The following KIZ variants were observed in gnomAD, a reference collection of about 807,000 sequenced individuals.
The protein encoded by KIZ is kizuna centrosomal protein.
Under a neutral mutation model 79.6 loss-of-function variants are expected in KIZ, and 68 were observed. The ratio of observed to expected loss-of-function variants is 0.85; its 90% CI spans 0.70 to 1.05. The LOEUF (loss-of-function observed/expected upper bound fraction) is 1.05. Among genes scored for constraint, KIZ ranks in the 50% least tolerant of loss-of-function variants. The probability of loss-of-function intolerance (pLI) is 0.00; values close to 1 mark genes in which losing one functional copy is unlikely to be tolerated. For missense variants in KIZ, 797 were observed against 800.4 expected (o/e 1.00, Z 0.05); for synonymous variants, 280 against 281.8 (o/e 0.99, Z 0.06).
chr20:21,244,274 A>G lies in KIZ; in HGVS notation c.1910A>G (p.Asn637Ser), dbSNP rs2037317544. Residue 637 changes from asparagine (N) to serine (S), a missense_variant, in exon 12 of 13, where the codon AAT becomes AGT. Transcript: ENST00000619189. ...RHENKKKPVI[N>S]LKSNALWDES... ...GAAAACAAAAAGAAACCCGTGATCA[A>G]TTTAAAATCTAATGGTGAGAGAGAT... 6.2e-7 allele frequency: 1 copy of G among 1,601,716 alleles called. No homozygotes were observed. The highest frequency in any genetic ancestry group is 1.3e-5 in the African/African-American group (1 of 74,734).
chr20:21,227,417 T>G (rs1777959114), intron 9 of KIZ, among the ~76,000 whole-genome samples: 1 of 152,166 alleles, frequency 6.6e-6, no homozygotes, highest in Non-Finnish European at 1.5e-5. Context: ...AATTTCCATC[T>G]TTGCTATCTT....
chr20:21,236,588 C>T (rs916870902), intron 11 of KIZ, among the ~76,000 whole-genome samples: 2 of 152,214 alleles, frequency 1.3e-5, no homozygotes, highest in Non-Finnish European at 2.9e-5. Flanking sequence ...AGACAGTGCT[C>T]CTGGCAGGAC....
intron 6 of KIZ, chr20:21,195,765 G>C (rs1296414998): frequency 6.6e-6 from 1 of 152,158 alleles, no homozygotes; most frequent in Non-Finnish European, 1.5e-5. Context: ...TAAACTTCCA[G>C]CTTCTCTTAA....
At chr20:21,205,867 A>G (rs2123191978) in intron 7 of KIZ, among the ~76,000 whole-genome samples, 1 of 152,034 alleles carries the variant, frequency 6.6e-6, no homozygotes, top group Non-Finnish European at 1.5e-5. Context: ...AGGCCGAGGC[A>G]GGAGAATTGC....
At chr20:21,215,329 T>C (rs1247297507) in intron 8 of KIZ, among the ~76,000 whole-genome samples, 1 of 152,214 alleles carries the variant, frequency 6.6e-6, no homozygotes, top group Non-Finnish European at 1.5e-5. Context: ...CCCACCTAAA[T>C]TTGATAGATG....
At chr20:21,166,430 T>C (rs2122740437) in intron 6 of KIZ, 1 of 1,593,072 alleles carries the variant, frequency 6.3e-7, no homozygotes, top group Non-Finnish European at 8.6e-7. Flanking sequence ...CCCAGCTCTG[T>C]GGTCATCAAT....
intron 6 of KIZ, among the ~76,000 whole-genome samples, chr20:21,184,153 T>G (rs970523489): frequency 6.6e-6 from 1 of 151,740 alleles, no homozygotes; most frequent in African/African-American, 2.4e-5. Flanking sequence ...CATCTTTTTT[T>G]TTTTTTTTTT....
intron 6 of KIZ, 88 bp downstream of exon 6, chr20:21,163,247 C>A: frequency 1.1e-6 from 1 of 892,876 alleles, no homozygotes; most frequent in Non-Finnish European, 1.7e-6. Flanking sequence ...TATTATCGAG[C>A]ACTCAGCCAT....
intron 4 of KIZ, 101 bp downstream of exon 4, chr20:21,145,755 C>G: frequency 2.0e-6 from 1 of 504,926 alleles, no homozygotes; most frequent in Non-Finnish European, 3.5e-6. Flanking sequence ...TAGGAAGATC[C>G]CTTTGATTAA....
At chr20:21,175,889 G>A (rs1214533410) in intron 6 of KIZ, among the ~76,000 whole-genome samples, 1 of 152,114 alleles carries the variant, frequency 6.6e-6, no homozygotes, top group African/African-American at 2.4e-5. Flanking sequence ...GGTGGCACAC[G>A]CCTGTATTCC....
At chr20:21,169,099 A>G (rs899382809) in intron 6 of KIZ, among the ~76,000 whole-genome samples, 1 of 152,198 alleles carries the variant, frequency 6.6e-6, no homozygotes, top group Non-Finnish European at 1.5e-5. Flanking sequence ...TAATTAAACT[A>G]AAGAGCTTCT....
chr20:21,227,045 C>T lies in KIZ; in HGVS notation c.1679-1966C>T, dbSNP rs145309647. 5.3e-5 allele frequency among the ~76,000 whole-genome samples: 8 copies of T among 152,304 alleles called. No homozygotes were observed. In the East Asian group the frequency reaches 1.2e-3, roughly 22 times the overall value. Reference sequence around the variant, plus strand: ...GAAAGTGTGGAGCATAGAAAGGGCTCATCTTTTCCAGAGTATCAAAATGGT... The same window carrying T: ...GAAAGTGTGGAGCATAGAAAGGGCTTATCTTTTCCAGAGTATCAAAATGGT... On this transcript the variant is annotated intron_variant, in intron 9 of 12. Transcript: ENST00000619189.
intron 6 of KIZ, among the ~76,000 whole-genome samples, chr20:21,170,807 A>G (rs2034172813): frequency 6.6e-6 from 1 of 151,594 alleles, no homozygotes; most frequent in African/African-American, 2.4e-5. Flanking sequence ...CTATCTTTCT[A>G]CTCTCTGTCT....
chr20:21,131,430 CAGATGTAAGTG>C (rs897536617), intron 1 of KIZ, among the ~76,000 whole-genome samples: 10 of 152,158 alleles, frequency 6.6e-5, no homozygotes, highest in Non-Finnish European at 1.3e-4. Flanking sequence ...TGGTCTTCAT[CAGATGTAAGTG>C]AGGCCAGGTT....
chr20:21,186,805 G>A (rs1164705079), intron 6 of KIZ, among the ~76,000 whole-genome samples: 1 of 151,878 alleles, frequency 6.6e-6, no homozygotes, highest in Non-Finnish European at 1.5e-5. Flanking sequence ...CTTACATCCC[G>A]CCTTCCCTTC....
At position 21,145,553 on chromosome 20, in the gene KIZ, C is replaced by G. The variant is rs6047271; in HGVS notation, c.316-12C>G. On this transcript the variant is annotated splice_polypyrimidine_tract_variant and intron_variant, in intron 3 of 12. Transcript: ENST00000619189. ...AATATTTATCACAAAATCAAACTTT[C>G]TTTATATTTAGCTCGAATATGAGAC... 0.66 allele frequency: 902,463 copies of G among 1,365,708 alleles called. 301,192 individuals carry two copies. The highest frequency in any genetic ancestry group is 0.78 in the South Asian group (58,215 of 74,522). The allele number at this position is 1,365,708 out of a possible 1,614,324, so 84.6% of individuals were successfully genotyped here. A position where few individuals can be genotyped will look rare whatever the true frequency, so the allele number is the denominator to read the frequency against.
At chr20:21,231,370 T>C (rs937105076) in intron 10 of KIZ, among the ~76,000 whole-genome samples, 5 of 152,180 alleles carry the variant, frequency 3.3e-5, no homozygotes, top group African/African-American at 1.2e-4. Context: ...ATATAAGTTC[T>C]AGTCCCTTCG....
intron 4 of KIZ, among the ~76,000 whole-genome samples, chr20:21,155,127 A>G (rs1419723879): frequency 6.6e-6 from 1 of 152,208 alleles, no homozygotes; most frequent in Admixed American, 6.5e-5. Flanking sequence ...AGTTAAACAT[A>G]TAGTTACCGT....
intron 7 of KIZ, among the ~76,000 whole-genome samples, chr20:21,208,435 G>A (rs2035929160): frequency 6.6e-6 from 1 of 152,214 alleles, no homozygotes; most frequent in Non-Finnish European, 1.5e-5. Flanking sequence ...TGGACGCGGT[G>A]GCTTACGCCT....
Sources: gnomAD v4.1 joint callset for allele counts (sites outside exome capture counted in the v4.1 genomes callset) on GRCh38, gnomAD v4.1.1 for gene constraint, MANE v1.5 for transcripts, NCBI Gene and HGNC (gene_info 2026-07-23, HGNC 2026-07-21) for gene names.